Variants in EGLN1 observed in about 807,000 individuals in gnomAD.
EGLN1 encodes the protein egl nine homolog 1.
EGLN1 carries 17 observed loss-of-function variants against 38.3 expected under a neutral mutation model. The observed-to-expected ratio is 0.44, with a 90% CI of 0.30 to 0.67. The LOEUF (loss-of-function observed/expected upper bound fraction) is 0.67. EGLN1 is among the 30% of genes least tolerant of loss of function. EGLN1 has a pLI of 0.08. For synonymous variants in EGLN1, 283 were observed against 257.5 expected (o/e 1.10, Z -0.95); for missense variants, 477 against 603.3 (o/e 0.79, Z 2.19).
At chr1:231,402,330 C>T (rs1688683228) in intron 1 of EGLN1, among the ~76,000 whole-genome samples, 1 of 150,250 alleles carries the variant, frequency 6.7e-6, no homozygotes, top group Non-Finnish European at 1.5e-5. Flanking sequence ...CAGTGTTTTT[C>T]TTTTATGGCT....
intron 1 of EGLN1, among the ~76,000 whole-genome samples, chr1:231,409,824 T>C (rs569491796): frequency 4.6e-5 from 7 of 152,308 alleles, no homozygotes; most frequent in South Asian, 4.1e-4. Context: ...AATAGACCTA[T>C]TGGATTAAGT....
chr1:231,378,612 A>C (rs1321516036), intron 1 of EGLN1, among the ~76,000 whole-genome samples: 2 of 152,136 alleles, frequency 1.3e-5, no homozygotes, highest in African/African-American at 4.8e-5. Context: ...GAATGTTCTT[A>C]AGATAGGAAA....
intron 1 of EGLN1, among the ~76,000 whole-genome samples, chr1:231,382,990 G>A (rs1035410119): frequency 6.7e-6 from 1 of 148,706 alleles, no homozygotes; most frequent in African/African-American, 2.5e-5. Context: ...CCTGGGAGGT[G>A]GAGGGTGCAG....
intron 1 of EGLN1, among the ~76,000 whole-genome samples, chr1:231,391,063 T>TGTGTGA (rs143905935): frequency 4.8e-5 from 4 of 83,072 alleles, no homozygotes; most frequent in East Asian, 3.8e-4. Context: ...CGTGTGTGTG[T>TGTGTGA]GAGACAGGGA....
At chr1:231,418,317 A>G (rs944586451) in intron 1 of EGLN1, among the ~76,000 whole-genome samples, 1 of 152,214 alleles carries the variant, frequency 6.6e-6, no homozygotes, top group African/African-American at 2.4e-5. Flanking sequence ...TCACATATAA[A>G]GCTAGTGCTA....
At chr1:231,390,431 C>T (rs1187563237) in intron 1 of EGLN1, among the ~76,000 whole-genome samples, 1 of 152,220 alleles carries the variant, frequency 6.6e-6, no homozygotes, top group Non-Finnish European at 1.5e-5. Flanking sequence ...TAGTCTCAAT[C>T]CTCACCACAA....
chr1:231,402,334 T>C (rs1428317973), intron 1 of EGLN1, among the ~76,000 whole-genome samples: 1 of 152,082 alleles, frequency 6.6e-6, no homozygotes, highest in Non-Finnish European at 1.5e-5. Context: ...GTTTTTCTTT[T>C]ATGGCTCATC....
intron 1 of EGLN1, among the ~76,000 whole-genome samples, chr1:231,399,820 C>T (rs186768142): frequency 7.2e-5 from 11 of 152,204 alleles, no homozygotes; most frequent in Admixed American, 4.6e-4. Context: ...ATATATACCA[C>T]GCTACCTGTG....
intron 1 of EGLN1, among the ~76,000 whole-genome samples, chr1:231,376,818 A>G (rs1355767034): frequency 2.6e-5 from 4 of 152,310 alleles, no homozygotes; most frequent in East Asian, 3.9e-4. Flanking sequence ...GGGAGCGGCA[A>G]GTTGGGCAAA....
Position 231,421,688 on chromosome 1 carries a change from G to A in EGLN1, c.201C>T (p.His67=), listed in dbSNP as rs377685277. The A allele has an allele frequency of 5.3e-6, 8 of 1,509,270 alleles. No homozygotes were observed. Among genetic ancestry groups the A allele is most frequent in the South Asian group, 1.2e-5 (1 of 81,942 alleles). The allele number at this position is 1,509,270 out of a possible 1,614,324, so 93.5% of individuals were successfully genotyped here. The change falls in exon 1 of 5, where the codon CAC becomes CAT. Residue 67 remains histidine, a synonymous_variant. Transcript: ENST00000366641. This position sits in a 1 kb window ranked among gnomAD's most constrained non-coding sequence, Gnocchi z 5.5. ...VCQGSEGALG[H]GVGPHQHSGP... ...CGGAATGCTGGTGTGGGCCCACTCC[G>A]TGGCCGAGGGCGCCCTCGCTGCCCT...
At position 231,377,360 on chromosome 1, in the gene EGLN1, A is replaced by G. The variant is rs1008586752; in HGVS notation, c.892-3261T>C. On this transcript the variant is annotated intron_variant, in intron 1 of 4. Transcript: ENST00000366641. ...ACTGCAGGAAGCAAAGAGTGAAAAG[A>G]GAAGACTAAGTTAGCTATTAAAGTT... 2.0e-5 allele frequency among the ~76,000 whole-genome samples: 3 copies of G among 152,236 alleles called. No individual in the cohort carries two copies. In the South Asian group the frequency reaches 6.2e-4, roughly 31 times the overall value.
intron 1 of EGLN1, among the ~76,000 whole-genome samples, chr1:231,375,440 G>A (rs758865810): frequency 6.6e-6 from 1 of 152,110 alleles, no homozygotes; most frequent in Non-Finnish European, 1.5e-5. Context: ...AACAGTAACC[G>A]AATTGTTCTA....
chr1:231,375,122 G>A (rs906174498), intron 1 of EGLN1, among the ~76,000 whole-genome samples: 1 of 152,108 alleles, frequency 6.6e-6, no homozygotes, highest in African/African-American at 2.4e-5. Flanking sequence ...GCAGTGGCAC[G>A]ATCTCAGCTC....
chr1:231,383,507 G>A (rs959357820), intron 1 of EGLN1, among the ~76,000 whole-genome samples: 6 of 152,188 alleles, frequency 3.9e-5, no homozygotes, highest in African/African-American at 1.4e-4. Flanking sequence ...AGTGACAAAC[G>A]TGCAGAATTT....
chr1:231,421,436 G>C lies in EGLN1; in HGVS notation c.453C>G (p.Ala151=), dbSNP rs778676941. The change falls in exon 1 of 5, where the codon GCC becomes GCG. Residue 151 remains alanine (A), a synonymous_variant. Transcript: ENST00000366641. The surrounding 1 kb of genome is among the most constrained non-coding windows in gnomAD (Gnocchi z 5.5). ...CCTTCTCCTGGAACAGCGATGAGCG[G>C]GCCGGCGGCTCCTCCTTGCCGGGCT... ...EAEPGKEEPP[A]RSSLFQEKAN... 1.2e-5 allele frequency: 18 copies of C among 1,535,760 alleles called. No individual in the cohort carries two copies. The highest frequency in any genetic ancestry group is 4.8e-5 in the East Asian group (2 of 41,948).
At position 231,421,543 on chromosome 1, in the gene EGLN1, G is replaced by A. The variant is rs944307657; in HGVS notation, c.346C>T (p.Pro116Ser). The part of the protein sequence containing the change: ...DAAKGKVKAK[P>S]PADPAAAASP... The stretch of plus-strand genomic sequence containing the variant: ...GCGGCCGCCGCTGGGTCGGCCGGGG[G>A]CTTGGCCTTTACTTTTCCCTTGGCC... The change falls in exon 1 of 5, where the codon CCC becomes TCC. Residue 116 changes from proline to serine, a missense_variant. Physicochemically the swap from Pro to Ser is moderately conservative, Grantham distance 74. Coordinates refer to ENST00000366641, the MANE Select transcript of EGLN1 (RefSeq NM_022051.3). The surrounding 1 kb of genome is among the most constrained non-coding windows in gnomAD (Gnocchi z 5.5). The A allele has an allele frequency of 1.2e-5, 16 of 1,305,632 alleles. No homozygotes were observed. The highest frequency in any genetic ancestry group is 3.1e-5 in the African/African-American group (2 of 64,222). 80.9% of individuals were successfully genotyped at this position (1,305,632 alleles called of 1,614,324 possible). A position where few individuals can be genotyped will look rare whatever the true frequency, so the allele number is the denominator to read the frequency against.
chr1:231,382,787 G>A (rs905026049), intron 1 of EGLN1, among the ~76,000 whole-genome samples: 1 of 152,042 alleles, frequency 6.6e-6, no homozygotes, highest in Non-Finnish European at 1.5e-5. Context: ...GCCGGGCATG[G>A]TGGCTCAAGC....
At chr1:231,372,250 T>C (rs956220974) in intron 2 of EGLN1, among the ~76,000 whole-genome samples, 17 of 152,240 alleles carry the variant, frequency 1.1e-4, no homozygotes, top group Admixed American at 3.3e-4. Flanking sequence ...TATCCTCCAA[T>C]AGATCCTAAG....
chr1:231,413,659 A>C (rs1363459539), intron 1 of EGLN1, among the ~76,000 whole-genome samples: 2 of 152,060 alleles, frequency 1.3e-5, no homozygotes, highest in Non-Finnish European at 2.9e-5. Context: ...GGTCCATGAG[A>C]AGGGGGGCTT....
Sources: gnomAD v4.1 joint callset for allele counts (sites outside exome capture counted in the v4.1 genomes callset) on GRCh38, gnomAD v4.1.1 for gene constraint, Gnocchi (gnomAD v3.1) non-coding constraint, MANE v1.5 for transcripts, NCBI Gene and HGNC (gene_info 2026-07-23, HGNC 2026-07-21) for gene names.